TTC27: variants seen among roughly 807,000 people sequenced by gnomAD.
TTC27 encodes tetratricopeptide repeat domain 27, also known as tetratricopeptide repeat protein 27.
TTC27 carries 79 observed loss-of-function variants against 115.9 expected under a neutral mutation model. The observed-to-expected ratio is 0.68, with a 90% confidence interval of 0.57 to 0.82. TTC27 has a LOEUF of 0.82. Among genes scored for constraint, TTC27 ranks in the 40% least tolerant of loss-of-function variants. TTC27 has a pLI of 0.00. For synonymous variants in TTC27, 401 were observed against 356.0 expected, an observed-to-expected ratio of 1.13 and a Z score of -1.42; for missense variants, 1,054 against 993.1, an observed-to-expected ratio of 1.06 and a Z score of -0.82.
chr2:32,729,935 G>A lies in TTC27; in HGVS notation c.1234-3893G>A, dbSNP rs115160170. ...TTTAGAAACTGGAAAGAGAAAATGG[G>A]TAAGTGCAAGGGTAGGACACACTGC... On this transcript the variant is annotated intron_variant, in intron 10 of 19. Transcript: ENST00000317907. 4.9e-3 allele frequency among the ~76,000 whole-genome samples: 747 copies of A among 152,256 alleles called. 8 individuals are homozygous for A. Among genetic ancestry groups the A allele is most frequent in the African/African-American group, 0.017 (708 of 41,556 alleles).
chr2:32,811,781 C>G (rs1051044341), intron 17 of TTC27, among the ~76,000 whole-genome samples: 4 of 152,206 alleles, frequency 2.6e-5, no homozygotes, highest in Non-Finnish European at 4.4e-5. Flanking sequence ...TTAAAGGAGC[C>G]TGCAGAGTTT....
chr2:32,649,105 C>T (rs1462840917), intron 4 of TTC27, among the ~76,000 whole-genome samples: 1 of 152,066 alleles, frequency 6.6e-6, no homozygotes. Context: ...AGGTGCTGTC[C>T]AATATGATGC....
At chr2:32,718,219 A>T (rs953912567) in intron 10 of TTC27, among the ~76,000 whole-genome samples, 1 of 152,032 alleles carries the variant, frequency 6.6e-6, no homozygotes, top group Non-Finnish European at 1.5e-5. Flanking sequence ...TCAGTTCTGA[A>T]TTTGGAATTT....
chr2:32,671,315 C>A (rs1004705056), intron 7 of TTC27, among the ~76,000 whole-genome samples: 2 of 150,874 alleles, frequency 1.3e-5, no homozygotes, highest in Non-Finnish European at 2.9e-5. Context: ...AAATGGATAT[C>A]CAGTTGTTCT....
At chr2:32,736,245 G>C (rs1257521537) in intron 11 of TTC27, among the ~76,000 whole-genome samples, 2 of 152,144 alleles carry the variant, frequency 1.3e-5, no homozygotes, top group African/African-American at 4.8e-5. Context: ...GTAGCTTTGA[G>C]TGAGAAAGAG....
At chr2:32,683,085 G>C (rs938618694) in intron 9 of TTC27, among the ~76,000 whole-genome samples, 1 of 151,868 alleles carries the variant, frequency 6.6e-6, no homozygotes, top group African/African-American at 2.4e-5. Flanking sequence ...TCGATCTCCT[G>C]ACCTCGTGAT....
chr2:32,670,661 A>G (rs952639854), intron 7 of TTC27, among the ~76,000 whole-genome samples: 1 of 151,600 alleles, frequency 6.6e-6, no homozygotes, highest in African/African-American at 2.4e-5. Context: ...TCTATTGCCC[A>G]GGCTGGAGTG....
chr2:32,779,985 A>T, intron 14 of TTC27: 1 of 371,556 alleles, frequency 2.7e-6, no homozygotes, highest in South Asian at 2.2e-5. Context: ...ATTGACTGTA[A>T]TGTAAGGATG....
At chr2:32,667,842 T>G (rs2151881570) in intron 7 of TTC27, among the ~76,000 whole-genome samples, 1 of 146,672 alleles carries the variant, frequency 6.8e-6, no homozygotes, top group South Asian at 2.2e-4. Context: ...TCACTTGAGG[T>G]CAGGAGTTCG....
intron 5 of TTC27, among the ~76,000 whole-genome samples, chr2:32,660,647 C>T (rs1195647765): frequency 6.6e-6 from 1 of 152,078 alleles, no homozygotes; most frequent in East Asian, 1.9e-4. Flanking sequence ...TGTTTAAGTT[C>T]TTTGTAGATT....
At chr2:32,666,856 T>C in intron 7 of TTC27, 88 bp downstream of exon 7, 1 of 1,437,612 alleles carries the variant, frequency 7.0e-7, no homozygotes, top group Non-Finnish European at 9.4e-7. Context: ...CTGAATGGGT[T>C]GGGGACAGAC....
At chr2:32,709,179 A>T (rs1559216272) in intron 10 of TTC27, among the ~76,000 whole-genome samples, 1 of 152,228 alleles carries the variant, frequency 6.6e-6, no homozygotes, top group African/African-American at 2.4e-5. Flanking sequence ...GTAGAATTCT[A>T]AATAATTTAT....
intron 8 of TTC27, among the ~76,000 whole-genome samples, chr2:32,675,439 A>T (rs1368729587): frequency 6.6e-6 from 1 of 152,312 alleles, no homozygotes; most frequent in East Asian, 1.9e-4. Context: ...TCTTTTCTGG[A>T]TACTTGTTTT....
chr2:32,782,426 G>A (rs1670211954), intron 14 of TTC27, among the ~76,000 whole-genome samples, 200 bp from the exon 15 acceptor site: 1 of 152,140 alleles, frequency 6.6e-6, no homozygotes, highest in South Asian at 2.1e-4. Context: ...ACATTGCATA[G>A]TTGATTGTTT....
chr2:32,646,814 C>G (rs569203158), intron 4 of TTC27, among the ~76,000 whole-genome samples: 82 of 151,878 alleles, frequency 5.4e-4, no homozygotes, highest in Middle Eastern at 3.4e-3. Context: ...CCGCCTGCCT[C>G]AGCCTCCCAA....
chr2:32,767,327 A>G (rs965908816), intron 13 of TTC27, among the ~76,000 whole-genome samples: 2 of 152,198 alleles, frequency 1.3e-5, no homozygotes, highest in African/African-American at 2.4e-5. Flanking sequence ...CTGGTGAAAC[A>G]TTACAAAAAT....
intron 5 of TTC27, among the ~76,000 whole-genome samples, chr2:32,660,674 T>C (rs887266809): frequency 1.3e-5 from 2 of 152,232 alleles, no homozygotes; most frequent in African/African-American, 4.8e-5. Context: ...ATTAGCCCTT[T>C]GTTAGATGGG....
chr2:32,797,369 C>T (rs867467763), intron 16 of TTC27, among the ~76,000 whole-genome samples: 1 of 151,624 alleles, frequency 6.6e-6, no homozygotes, highest in Non-Finnish European at 1.5e-5. Flanking sequence ...GTGGAGACAG[C>T]GTTTTGCTAT....
chr2:32,694,117 T>G (rs748226427), intron 9 of TTC27, among the ~76,000 whole-genome samples: 1 of 152,216 alleles, frequency 6.6e-6, no homozygotes, highest in Non-Finnish European at 1.5e-5. Context: ...CTCTGTTATT[T>G]AGGACCAGTT....
Sources: gnomAD v4.1 joint callset for allele counts (sites outside exome capture counted in the v4.1 genomes callset) on GRCh38, gnomAD v4.1.1 for gene constraint, MANE v1.5 for transcripts, NCBI Gene and HGNC (gene_info 2026-07-23, HGNC 2026-07-21) for gene names.